Variants in ASNS observed in about 807,000 individuals in gnomAD.
The protein encoded by ASNS is asparagine synthetase (glutamine-hydrolyzing).
ASNS carries 37 observed loss-of-function variants against 62.6 expected under a neutral mutation model. That is an observed-to-expected ratio of 0.59 (90% confidence interval 0.45 to 0.78). The LOEUF is 0.78. Among genes scored for constraint, ASNS ranks in the 30% least tolerant of loss-of-function variants. The pLI, the probability that ASNS is intolerant of heterozygous loss-of-function variation, is 0.00. For synonymous variants in ASNS, 207 were observed against 237.9 expected, an observed-to-expected ratio of 0.87 and a Z score of 1.19; for missense variants, 520 against 682.4, an observed-to-expected ratio of 0.76 and a Z score of 2.65.
chr7:97,902,581 G>C, the ASNS span, among the ~76,000 whole-genome samples: 1 of 152,046 alleles, frequency 6.6e-6, no homozygotes, highest in African/African-American at 2.4e-5. Context: ...TTAGGCAACA[G>C]TGGTGGCACA....
At chr7:97,920,013 T>G in the ASNS span, among the ~76,000 whole-genome samples, 3 of 142,766 alleles carry the variant, frequency 2.1e-5, no homozygotes. Context: ...TGTCCTGACT[T>G]TTTTTTTTTT....
At chr7:97,908,261 T>C in the ASNS span, 2 of 152,154 alleles carry the variant, frequency 1.3e-5, no homozygotes, top group Non-Finnish European at 2.9e-5. Context: ...CCATCATGAA[T>C]GACACAGTAA....
At chr7:97,875,693 C>G (rs1456713910), upstream of ASNS, among the ~76,000 whole-genome samples, 3 of 152,172 alleles carry the variant, frequency 2.0e-5, no homozygotes, top group Non-Finnish European at 4.4e-5. Flanking sequence ...TCATGAGCAA[C>G]TTCTCTGTGC....
At chr7:97,870,232 G>A (rs533369847) in intron 1 of ASNS, 158 of 904,960 alleles carry the variant, frequency 1.7e-4, no homozygotes, top group South Asian at 4.7e-4. Context: ...TGAGTGCTAC[G>A]AAGATTGTAC....
upstream of ASNS, among the ~76,000 whole-genome samples, chr7:97,873,877 C>G (rs1792380261): frequency 1.3e-5 from 2 of 152,128 alleles, no homozygotes; most frequent in Admixed American, 1.3e-4. Context: ...CCTTGCCCTC[C>G]TCTTTCAGGG....
the ASNS span, among the ~76,000 whole-genome samples, chr7:97,923,820 C>T: frequency 1.3e-5 from 2 of 152,182 alleles, no homozygotes; most frequent in Non-Finnish European, 2.9e-5. Context: ...TCCTTTGGAA[C>T]ATATCCCACG....
chr7:97,904,516 G>T, the ASNS span, among the ~76,000 whole-genome samples: 21 of 151,988 alleles, frequency 1.4e-4, no homozygotes, highest in Non-Finnish European at 2.6e-4. Flanking sequence ...GCAATACCTC[G>T]AGTATCACCA....
intron 3 of ASNS, among the ~76,000 whole-genome samples, chr7:97,868,212 G>A (rs1792066425): frequency 6.6e-6 from 1 of 152,106 alleles, no homozygotes; most frequent in South Asian, 2.1e-4. Context: ...GGAGGCTGAG[G>A]CAGGAGAATT....
rs73396242 is a variant in ASNS at position 97,860,834 on chromosome 7, G to C, written c.488-1436C>G. Among the ~76,000 whole-genome samples the C allele has an allele frequency of 9.4e-3, 1,425 of 152,178 alleles. 20 individuals carry two copies. Among genetic ancestry groups the C allele is most frequent in the African/African-American group, 0.033 (1,370 of 41,508 alleles). ...TTTCACTTTCTTGATGGTGTCCTTTGATGTGCAAAAATGTTTAATTTTGAT... is the reference window on the plus strand; with the variant it reads ...TTTCACTTTCTTGATGGTGTCCTTTCATGTGCAAAAATGTTTAATTTTGAT... On this transcript the variant is annotated intron_variant, in intron 4 of 12. Coordinates refer to ENST00000394308, the MANE Select transcript of ASNS (RefSeq NM_001673.5).
intron 4 of ASNS, 193 bp downstream of exon 4, chr7:97,864,066 C>T: frequency 1.9e-6 from 1 of 540,538 alleles, no homozygotes; most frequent in Non-Finnish European, 3.2e-6. Context: ...AAAGAATCAT[C>T]CTTCAAGGAT....
At chr7:97,867,206 AC>A (rs1469090650) in intron 3 of ASNS, among the ~76,000 whole-genome samples, 1 of 149,044 alleles carries the variant, frequency 6.7e-6, no homozygotes, top group Non-Finnish European at 1.5e-5. Context: ...CCCAGCCTTT[AC>A]CCCATTCCTC....
chr7:97,856,658 G>T, intron 8 of ASNS, 32 bp downstream of exon 8: 2 of 1,506,268 alleles, frequency 1.3e-6, no homozygotes, highest in Non-Finnish European at 1.8e-6. Context: ...ATTAAAAAAA[G>T]CTTTTTATTT....
At chr7:97,900,899 G>C in the ASNS span, among the ~76,000 whole-genome samples, 1 of 152,000 alleles carries the variant, frequency 6.6e-6, no homozygotes, top group African/African-American at 2.4e-5. Context: ...TGACTTTCCT[G>C]TACTTGTTGT....
At chr7:97,918,033 A>G in the ASNS span, among the ~76,000 whole-genome samples, 4 of 152,060 alleles carry the variant, frequency 2.6e-5, no homozygotes, top group Non-Finnish European at 5.9e-5. Context: ...GAGAAAGCAA[A>G]CTTCTCCAGA....
the ASNS span, chr7:97,898,288 T>C: frequency 4.9e-6 from 2 of 411,790 alleles, no homozygotes; most frequent in Non-Finnish European, 9.0e-6. Flanking sequence ...TTGTTTCTTG[T>C]TTGTTTTTCA....
chr7:97,924,401 C>A, the ASNS span, among the ~76,000 whole-genome samples: 1 of 152,234 alleles, frequency 6.6e-6, no homozygotes, highest in Non-Finnish European at 1.5e-5. Context: ...ACACCACGTT[C>A]CAGTGGGTGG....
Position 97,853,099 on chromosome 7 carries a change from A to G in ASNS, c.1437T>C (p.Asn479=), listed in dbSNP as rs1304644319. ...AFSDGITSVK[N]SWFKILQEYV... ...ATTCCTGTAAAATCTTAAACCAGGAATTCTTAACTGAAGTTATTCCATCAC... is the reference window on the plus strand; with the variant it reads ...ATTCCTGTAAAATCTTAAACCAGGAGTTCTTAACTGAAGTTATTCCATCAC... The change falls in exon 12 of 13, where the codon AAT becomes AAC. Residue 479 remains asparagine (N), a synonymous_variant. Transcript: ENST00000394308. 2 of 1,597,906 alleles carry G rather than the reference A, an allele frequency of 1.3e-6. No individual in the cohort carries two copies. Among genetic ancestry groups the G allele is most frequent in the East Asian group, 2.2e-5 (1 of 44,778 alleles).
chr7:97,854,487 G>T, intron 10 of ASNS, 93 bp downstream of exon 10: 1 of 1,481,948 alleles, frequency 6.7e-7, no homozygotes, highest in South Asian at 1.3e-5. Context: ...ATCAGCTATT[G>T]ATTTTTATTT....
At chr7:97,875,790 G>A (rs981927567), upstream of ASNS, among the ~76,000 whole-genome samples, 1 of 152,088 alleles carries the variant, frequency 6.6e-6, no homozygotes, top group African/African-American at 2.4e-5. Flanking sequence ...TTACTTATTT[G>A]TGTTTTGAAG....
Sources: allele counts gnomAD v4.1 joint callset (sites outside exome capture counted in the v4.1 genomes callset), GRCh38; gene constraint gnomAD v4.1.1; transcripts MANE v1.5; gene names NCBI Gene and HGNC (gene_info 2026-07-23, HGNC 2026-07-21).